UNC13C: variants seen among roughly 807,000 people sequenced by gnomAD.
The protein encoded by UNC13C is protein unc-13 homolog C.
In UNC13C, 174 loss-of-function variants were observed where a neutral mutation model predicts 245.4. That is an observed-to-expected ratio of 0.71 (90% confidence interval 0.63 to 0.80). UNC13C has a LOEUF of 0.80. UNC13C is among the 30% of genes least tolerant of loss of function. The pLI, the probability that UNC13C is intolerant of heterozygous loss-of-function variation, is 0.00. For missense variants in UNC13C, 2,829 were observed against 2,602.9 expected (o/e 1.09, Z -1.89); for synonymous variants, 992 against 895.1 (o/e 1.11, Z -1.93).
the UNC13C span, among the ~76,000 whole-genome samples, chr15:53,880,269 C>G: frequency 2.6e-5 from 4 of 152,040 alleles, no homozygotes; most frequent in East Asian, 7.7e-4. Context: ...ATCTGAGAAC[C>G]AGAAGTTGGC....
chr15:54,301,351 C>T (rs577020274), intron 13 of UNC13C, among the ~76,000 whole-genome samples: 10 of 148,242 alleles, frequency 6.7e-5, no homozygotes, highest in South Asian at 2.1e-4. Flanking sequence ...ATGTTTGTTA[C>T]GTAGGTATAC....
intron 17 of UNC13C, among the ~76,000 whole-genome samples, chr15:54,355,475 G>C (rs896218231): frequency 1.3e-5 from 2 of 151,912 alleles, no homozygotes; most frequent in Non-Finnish European, 2.9e-5. Flanking sequence ...TCCTGCCTCA[G>C]CCTCTCTAGA....
intron 2 of UNC13C, among the ~76,000 whole-genome samples, chr15:54,139,723 G>A (rs575107541): frequency 6.6e-6 from 1 of 151,876 alleles, no homozygotes; most frequent in African/African-American, 2.4e-5. Flanking sequence ...TACCATTGTT[G>A]CATTTTAATT....
intron 4 of UNC13C, among the ~76,000 whole-genome samples, chr15:54,156,486 A>G (rs1442046273): frequency 6.6e-6 from 1 of 152,204 alleles, no homozygotes; most frequent in Non-Finnish European, 1.5e-5. Flanking sequence ...TGAAACAGTT[A>G]TTCCAGAGTC....
At chr15:54,213,948 C>T (rs12912379) in intron 4 of UNC13C, among the ~76,000 whole-genome samples, 38,742 of 151,692 alleles carry the variant, frequency 0.26, 5,038 homozygotes, top group Middle Eastern at 0.29. Flanking sequence ...AAGGCACAGA[C>T]GGAGCTACCA....
intron 2 of UNC13C, among the ~76,000 whole-genome samples, chr15:54,129,583 T>A (rs994547669): frequency 2.6e-5 from 4 of 151,954 alleles, no homozygotes; most frequent in Non-Finnish European, 4.4e-5. Context: ...TTTCTATTAT[T>A]TTTGAGTAAA....
chr15:53,964,886 C>T, the UNC13C span, among the ~76,000 whole-genome samples: 1 of 152,102 alleles, frequency 6.6e-6, no homozygotes, highest in Non-Finnish European at 1.5e-5. Flanking sequence ...CTCGAAGCCA[C>T]GTTAGCCACA....
At chr15:54,025,811 G>A (rs1389964233) in intron 2 of UNC13C, among the ~76,000 whole-genome samples, 2 of 152,162 alleles carry the variant, frequency 1.3e-5, no homozygotes, top group Non-Finnish European at 2.9e-5. Context: ...CAGGCAACAT[G>A]ATTATTCAGG....
chr15:53,859,063 G>A, the UNC13C span, among the ~76,000 whole-genome samples: 11 of 151,798 alleles, frequency 7.2e-5, no homozygotes, highest in African/African-American at 2.7e-4. Flanking sequence ...TCTTATTTGA[G>A]TTTTGTAAAT....
rs1034395827 is a variant in UNC13C, at chr15:54,012,654, C to T, written c.-250C>T. On this transcript the variant is annotated 5_prime_UTR_variant, in exon 2 of 33. Transcript: ENST00000260323. ...AACATTCATTTCTTTTTAGACACTA[C>T]ATGGAGTTATGTGGAAATGAGAGAG... 3.3e-5 allele frequency among the ~76,000 whole-genome samples: 5 copies of T among 152,150 alleles called. No homozygotes were observed. The highest frequency in any genetic ancestry group is 4.8e-5 in the African/African-American group (2 of 41,426).
chr15:54,136,630 TAGG>T (rs1438041310), intron 2 of UNC13C, among the ~76,000 whole-genome samples: 2 of 152,146 alleles, frequency 1.3e-5, no homozygotes, highest in African/African-American at 4.8e-5. Context: ...TTTCTGATCT[TAGG>T]GGAAAATCTT....
At chr15:54,459,379 T>A (rs924085749) in intron 19 of UNC13C, among the ~76,000 whole-genome samples, 1 of 152,208 alleles carries the variant, frequency 6.6e-6, no homozygotes, top group African/African-American at 2.4e-5. Flanking sequence ...CCCTAGGTGA[T>A]GACCTTTTTG....
chr15:54,264,268 A>G lies in UNC13C; in HGVS notation c.3549A>G (p.Pro1183=). The part of the protein sequence containing the change: ...ERMKIREKNR[P]EVFEVIQEMF... The stretch of plus-strand genomic sequence containing the variant: ...TGAAGATCAGGGAGAAAAACCGGCC[A>G]GAAGTATTTGAAGTAATCCAGGAAA... Residue 1183 remains proline (P), a synonymous_variant, in exon 9 of 33, where the codon CCA becomes CCG. Coordinates refer to ENST00000260323, the MANE Select transcript of UNC13C (RefSeq NM_001080534.3). 4 of 1,599,744 alleles carry G rather than the reference A, an allele frequency of 2.5e-6. No homozygotes were observed. Among genetic ancestry groups the G allele is most frequent in the East Asian group, 2.2e-5 (1 of 44,552 alleles).
chr15:54,434,056 C>A (rs889072532), intron 19 of UNC13C, among the ~76,000 whole-genome samples: 3 of 152,054 alleles, frequency 2.0e-5, no homozygotes, highest in Non-Finnish European at 1.5e-5. Flanking sequence ...AGGAGAACTA[C>A]AAACCACTGC....
chr15:54,200,748 A>T (rs1455554567), intron 4 of UNC13C, among the ~76,000 whole-genome samples: 2 of 152,058 alleles, frequency 1.3e-5, no homozygotes, highest in Non-Finnish European at 2.9e-5. Context: ...ATCTAAGGTC[A>T]CACCTCATGG....
intron 14 of UNC13C, among the ~76,000 whole-genome samples, chr15:54,329,310 T>C (rs2038380320): frequency 6.6e-6 from 1 of 152,004 alleles, no homozygotes; most frequent in Non-Finnish European, 1.5e-5. Context: ...CTTTTAGTTA[T>C]TTTGAAATAC....
At chr15:54,524,472 C>T (rs1895360592) in intron 24 of UNC13C, among the ~76,000 whole-genome samples, 1 of 152,124 alleles carries the variant, frequency 6.6e-6, no homozygotes, top group Admixed American at 6.6e-5. Flanking sequence ...TCTCAAATGC[C>T]AAATGCAATA....
intron 2 of UNC13C, among the ~76,000 whole-genome samples, chr15:54,042,387 A>T (rs1053026813): frequency 6.6e-6 from 1 of 152,186 alleles, no homozygotes; most frequent in African/African-American, 2.4e-5. Flanking sequence ...GGTTTAGGCA[A>T]ATGGGTAAAT....
At chr15:54,449,532 C>G (rs1891045018) in intron 19 of UNC13C, among the ~76,000 whole-genome samples, 1 of 152,134 alleles carries the variant, frequency 6.6e-6, no homozygotes, top group Admixed American at 6.5e-5. Flanking sequence ...ATTTGATATT[C>G]AATCACTGAT....
Sources: gnomAD v4.1 joint callset for allele counts (sites outside exome capture counted in the v4.1 genomes callset) on GRCh38, gnomAD v4.1.1 for gene constraint, MANE v1.5 for transcripts, NCBI Gene and HGNC (gene_info 2026-07-23, HGNC 2026-07-21) for gene names.